The following TMPRSS11F variants were observed in gnomAD, a reference collection of about 807,000 sequenced individuals.
TMPRSS11F encodes transmembrane protease serine 11F.
In TMPRSS11F, 47 loss-of-function variants were observed where a neutral mutation model predicts 60.2. The observed-to-expected ratio is 0.78, with a 90% confidence interval of 0.62 to 1.00. The LOEUF is 1.00. Ranked by LOEUF, TMPRSS11F falls within the 50% of genes least tolerant of loss-of-function variation. The probability of loss-of-function intolerance (pLI) is 0.00; values close to 1 mark genes in which losing one functional copy is unlikely to be tolerated. For missense variants in TMPRSS11F, 519 were observed against 522.9 expected (o/e 0.99, Z 0.07); for synonymous variants, 166 against 167.3 (o/e 0.99, Z 0.06).
intron 1 of TMPRSS11F, among the ~76,000 whole-genome samples, chr4:68,120,701 TGAAA>T (rs1480093593): frequency 3.9e-5 from 6 of 152,084 alleles, no homozygotes; most frequent in African/African-American, 1.4e-4. Context: ...AAATCTTTAT[TGAAA>T]GAGTCAATTT....
chr4:68,091,761 C>A (rs146724711), intron 2 of TMPRSS11F, among the ~76,000 whole-genome samples: 56,700 of 110,554 alleles, frequency 0.51, 12,817 homozygotes, highest in Non-Finnish European at 0.64. Flanking sequence ...CTCTCTCTCT[C>A]TCTCTCTCTC....
At chr4:68,073,597 T>C (rs1020683578) in intron 4 of TMPRSS11F, among the ~76,000 whole-genome samples, 3 of 152,208 alleles carry the variant, frequency 2.0e-5, no homozygotes, top group Non-Finnish European at 2.9e-5. Context: ...AAAGTCATTG[T>C]CTTCTGGTGG....
At chr4:68,073,521 C>T (rs1483490351) in intron 4 of TMPRSS11F, among the ~76,000 whole-genome samples, 2 of 152,016 alleles carry the variant, frequency 1.3e-5, no homozygotes, top group African/African-American at 4.8e-5. Context: ...AAAGGAAAGA[C>T]ATGAAAAGCC....
chr4:68,089,755 G>A (rs1205423175), intron 3 of TMPRSS11F, among the ~76,000 whole-genome samples: 1 of 152,080 alleles, frequency 6.6e-6, no homozygotes, highest in African/African-American at 2.4e-5. Context: ...GAATGGGAAT[G>A]CTAAAGTTCT....
chr4:68,110,233 G>T (rs1724386236), intron 1 of TMPRSS11F, among the ~76,000 whole-genome samples: 1 of 152,112 alleles, frequency 6.6e-6, no homozygotes, highest in African/African-American at 2.4e-5. Context: ...TATACACACA[G>T]ATACACAGAA....
chr4:68,099,095 G>C, intron 1 of TMPRSS11F, 57 bp from the exon 2 acceptor site: 1 of 1,440,906 alleles, frequency 6.9e-7, no homozygotes, highest in Non-Finnish European at 9.6e-7. Context: ...TCAACTTTAT[G>C]TTTACTTACT....
At chr4:68,125,570 G>A (rs1322818511) in intron 1 of TMPRSS11F, among the ~76,000 whole-genome samples, 1 of 152,120 alleles carries the variant, frequency 6.6e-6, no homozygotes, top group Non-Finnish European at 1.5e-5. Context: ...TAAGTTGACT[G>A]TGCTTCATAA....
chr4:68,121,098 A>G (rs146418235), intron 1 of TMPRSS11F, among the ~76,000 whole-genome samples: 21 of 152,288 alleles, frequency 1.4e-4, no homozygotes, highest in African/African-American at 4.8e-4. Context: ...CTCCCCTTCT[A>G]TATGACCCAC....
chr4:68,129,855 C>T lies in TMPRSS11F; in HGVS notation c.-35G>A, dbSNP rs1048180246. On this transcript the variant is annotated 5_prime_UTR_variant, in exon 1 of 10. An upstream start codon of the reference 5' UTR is lost. Transcript: ENST00000356291. ...ACTGGGGCAGCTTCTATTCAGTCAC[C>T]ATCTGATCTGTATCAGCAGGTTAGG... 2 of 1,611,622 alleles carry T rather than the reference C, an allele frequency of 1.2e-6. No homozygotes were observed. Among genetic ancestry groups the T allele is most frequent in the Non-Finnish European group, 1.7e-6 (2 of 1,178,092 alleles).
At chr4:68,092,281 G>T (rs1577925209) in intron 2 of TMPRSS11F, among the ~76,000 whole-genome samples, 1 of 152,244 alleles carries the variant, frequency 6.6e-6, no homozygotes, top group African/African-American at 2.4e-5. Flanking sequence ...ATGAAAATCT[G>T]TAAGTGTAAT....
At chr4:68,077,972 A>C (rs1312513276) in intron 3 of TMPRSS11F, among the ~76,000 whole-genome samples, 1 of 152,062 alleles carries the variant, frequency 6.6e-6, no homozygotes, top group Admixed American at 6.5e-5. Context: ...AGCCAGGATG[A>C]GCACGTTGGG....
chr4:68,064,557 G>T (rs1326527828), intron 8 of TMPRSS11F, 128 bp downstream of exon 8: 2 of 1,098,788 alleles, frequency 1.8e-6, no homozygotes, highest in Admixed American at 2.5e-5. Context: ...CTCCTGTTCT[G>T]CCCAAGGCCA....
chr4:68,107,459 C>T (rs543798289), intron 1 of TMPRSS11F, among the ~76,000 whole-genome samples: 19 of 152,158 alleles, frequency 1.2e-4, no homozygotes, highest in African/African-American at 3.9e-4. Flanking sequence ...GAGACATGAA[C>T]AAGGTGAAAG....
chr4:68,057,282 CAAAAAAAAAA>C (rs869035642), intron 9 of TMPRSS11F, among the ~76,000 whole-genome samples: 1 of 56,962 alleles, frequency 1.8e-5, no homozygotes, highest in African/African-American at 5.7e-5. Flanking sequence ...GAGACTGTCT[CAAAAAAAAAA>C]AAAAAAAAAG....
intron 1 of TMPRSS11F, among the ~76,000 whole-genome samples, chr4:68,127,948 C>A (rs1724745258): frequency 6.6e-6 from 1 of 152,090 alleles, no homozygotes; most frequent in Non-Finnish European, 1.5e-5. Flanking sequence ...ATGGTAACAA[C>A]CTCACCCCTC....
At position 68,053,907 on chromosome 4, in the gene TMPRSS11F, C is replaced by T; in HGVS notation, c.*2G>A. The stretch of plus-strand genomic sequence containing the variant: ...ATGTGTATAACTCATGGGCAATCCA[C>T]ACTACATACCAGTCTTTGAGGCAAT... On this transcript the variant is annotated 3_prime_UTR_variant, in exon 10 of 10. Transcript: ENST00000356291. 6.2e-7 allele frequency: 1 copy of T among 1,612,464 alleles called. No individual in the cohort carries two copies. The highest frequency in any genetic ancestry group is 1.1e-5 in the South Asian group (1 of 90,864).
At position 68,085,700 on chromosome 4, in the gene TMPRSS11F, T is replaced by C. The variant is rs182957813; in HGVS notation, c.282+4823A>G. Among the ~76,000 whole-genome samples the C allele has an allele frequency of 2.6e-5, 4 of 152,120 alleles. No individual in the cohort carries two copies. In the East Asian group the frequency reaches 5.8e-4, roughly 22 times the overall value. ...ACCATCTCACATGTAATGACACCCATAGGCTCAAAGTAAAGGGTTGGAGAA... is the reference window on the plus strand; with the variant it reads ...ACCATCTCACATGTAATGACACCCACAGGCTCAAAGTAAAGGGTTGGAGAA... On this transcript the variant is annotated intron_variant, in intron 3 of 9. Coordinates refer to ENST00000356291, the MANE Select transcript of TMPRSS11F (RefSeq NM_207407.2).
intron 2 of TMPRSS11F, among the ~76,000 whole-genome samples, chr4:68,092,401 C>A (rs978957798): frequency 6.6e-6 from 1 of 152,082 alleles, no homozygotes; most frequent in Admixed American, 6.6e-5. Flanking sequence ...TTTTGTTCCA[C>A]TTACAAAATT....
chr4:68,119,604 A>G lies in TMPRSS11F; in HGVS notation c.11+10206T>C, dbSNP rs367926018. ...CCTGTGCTCTATAGATAGAAGAACA[A>G]AGCCTGATGACAGCACATCTGTTTA... On this transcript the variant is annotated intron_variant, in intron 1 of 9. Transcript: ENST00000356291. 4.9e-4 allele frequency among the ~76,000 whole-genome samples: 75 copies of G among 152,304 alleles called. 2 individuals carry two copies. In the South Asian group the frequency reaches 0.013, roughly 26 times the overall value.
Sources: allele counts gnomAD v4.1 joint callset (sites outside exome capture counted in the v4.1 genomes callset), GRCh38; gene constraint gnomAD v4.1.1; transcripts MANE v1.5; gene names NCBI Gene and HGNC (gene_info 2026-07-23, HGNC 2026-07-21).